SKAP1: variants seen among roughly 807,000 people sequenced by gnomAD.
SKAP1 encodes src kinase associated phosphoprotein 1, also known as src kinase-associated phosphoprotein 1.
Under a neutral mutation model 58.5 loss-of-function variants are expected in SKAP1, and 44 were observed. The observed-to-expected ratio is 0.75, with a 90% CI of 0.59 to 0.97. The LOEUF (loss-of-function observed/expected upper bound fraction) is 0.97, where lower values mean the gene tolerates loss of function less well. Ranked by LOEUF, SKAP1 falls within the 50% of genes least tolerant of loss-of-function variation. SKAP1 has a pLI of 0.00. For missense variants in SKAP1, 390 were observed against 435.2 expected (o/e 0.90, Z 0.92); for synonymous variants, 127 against 149.7 (o/e 0.85, Z 1.11).
chr17:48,421,429 G>A (rs1050654523), intron 1 of SKAP1, among the ~76,000 whole-genome samples: 6 of 151,610 alleles, frequency 4.0e-5, no homozygotes, highest in African/African-American at 9.7e-5. Flanking sequence ...TCAGCCTCCT[G>A]AGTAGCTGGG....
At position 48,430,061 on chromosome 17, in the gene SKAP1, C is replaced by A. The variant is rs201126634; in HGVS notation, c.46+14G>T. The A allele has an allele frequency of 7.1e-6, 9 of 1,262,540 alleles. No individual in the cohort carries two copies. In the Admixed American group the frequency reaches 3.8e-4, roughly 53 times the overall value. 78.2% of individuals were successfully genotyped at this position (1,262,540 alleles called of 1,614,324 possible). A position where few individuals can be genotyped will look rare whatever the true frequency, so the allele number is the denominator to read the frequency against. On this transcript the variant is annotated intron_variant, in intron 1 of 12. Coordinates refer to ENST00000336915, the MANE Select transcript of SKAP1 (RefSeq NM_003726.4). ...TCGGCTCAGCACTGGAGGGGGCCTG[C>A]GCCAGGGCGTTACCTTCCAGGAGCC... is the stretch of plus-strand genomic sequence containing the variant.
chr17:48,264,867 G>C (rs1324596258), intron 4 of SKAP1, among the ~76,000 whole-genome samples: 2 of 152,070 alleles, frequency 1.3e-5, no homozygotes, highest in Admixed American at 1.3e-4. Flanking sequence ...TGGGATAAGT[G>C]ATGAGCTATG....
At chr17:48,347,030 T>TATAC in intron 3 of SKAP1, among the ~76,000 whole-genome samples, 1 of 152,344 alleles carries the variant, frequency 6.6e-6, no homozygotes, top group South Asian at 2.1e-4. Flanking sequence ...GTGTTTTCAA[T>TATAC]ATACATTGGA....
chr17:48,155,686 G>A (rs1318589504), intron 11 of SKAP1, among the ~76,000 whole-genome samples: 2 of 151,894 alleles, frequency 1.3e-5, no homozygotes, highest in East Asian at 1.9e-4. Flanking sequence ...GCAAAATCCC[G>A]TCTCTACTAA....
At chr17:48,225,985 A>C (rs140162968) in intron 4 of SKAP1, among the ~76,000 whole-genome samples, 2 of 152,218 alleles carry the variant, frequency 1.3e-5, no homozygotes, top group Non-Finnish European at 2.9e-5. Flanking sequence ...GACCCTTAAC[A>C]AGGCGGTTAG....
At chr17:48,251,036 C>G (rs17620866) in intron 4 of SKAP1, among the ~76,000 whole-genome samples, 16,198 of 152,206 alleles carry the variant, frequency 0.11, 920 homozygotes, top group East Asian at 0.2. Context: ...TTCTCAAAAT[C>G]CTTTAATTCG....
intron 4 of SKAP1, among the ~76,000 whole-genome samples, chr17:48,229,346 CG>C (rs1314565754): frequency 6.6e-6 from 1 of 152,080 alleles, no homozygotes; most frequent in African/African-American, 2.4e-5. Flanking sequence ...GCGGGCCTGG[CG>C]TGGTGGCTCA....
chr17:48,290,481 C>A (rs1649139408), intron 4 of SKAP1, among the ~76,000 whole-genome samples: 1 of 152,168 alleles, frequency 6.6e-6, no homozygotes, highest in Non-Finnish European at 1.5e-5. Context: ...AGAAGATAAA[C>A]AAGAACTTCC....
At position 48,170,590 on chromosome 17, in the gene SKAP1, C is replaced by G; in HGVS notation, c.877+19G>C. On this transcript the variant is annotated intron_variant, in intron 10 of 12. Coordinates refer to ENST00000336915, the MANE Select transcript of SKAP1 (RefSeq NM_003726.4). ...CATAATGTCCTACCCAGTGCCTGTG[C>G]ATTTAGAAGCTCTTATACCTCCTTT... The G allele has an allele frequency of 1.2e-6, 2 of 1,609,142 alleles. No homozygotes were observed. The highest frequency in any genetic ancestry group is 1.7e-6 in the Non-Finnish European group (2 of 1,175,582).
At chr17:48,330,125 T>C (rs1467288378) in intron 4 of SKAP1, among the ~76,000 whole-genome samples, 2 of 152,358 alleles carry the variant, frequency 1.3e-5, no homozygotes, top group South Asian at 2.1e-4. Flanking sequence ...GTAGTATTTA[T>C]GCTTTTGTTT....
At chr17:48,402,756 T>A (rs2067515615) in intron 1 of SKAP1, among the ~76,000 whole-genome samples, 1 of 152,232 alleles carries the variant, frequency 6.6e-6, no homozygotes, top group Non-Finnish European at 1.5e-5. Flanking sequence ...GAAATGCTGA[T>A]ATGTGCTACA....
intron 3 of SKAP1, among the ~76,000 whole-genome samples, chr17:48,358,573 T>C (rs2066903331): frequency 6.6e-6 from 1 of 152,142 alleles, no homozygotes; most frequent in Non-Finnish European, 1.5e-5. Context: ...TCTCTATAAA[T>C]ACAAACCTTA....
At chr17:48,151,085 G>A (rs1244330161) in intron 11 of SKAP1, among the ~76,000 whole-genome samples, 12 of 96,900 alleles carry the variant, frequency 1.2e-4, no homozygotes, top group Admixed American at 3.1e-4. Context: ...AGACGCAGCA[G>A]GAAAAAAAAA....
At chr17:48,438,224 A>G in the SKAP1 span, among the ~76,000 whole-genome samples, 1 of 152,174 alleles carries the variant, frequency 6.6e-6, no homozygotes, top group African/African-American at 2.4e-5. Context: ...TGGCAATAGT[A>G]ACTGTATTCT....
chr17:48,221,972 T>C (rs934532820), intron 4 of SKAP1, among the ~76,000 whole-genome samples: 2 of 152,190 alleles, frequency 1.3e-5, no homozygotes, highest in African/African-American at 4.8e-5. Flanking sequence ...TTAACATCTA[T>C]AATTTGTAGT....
chr17:48,363,686 G>T, intron 3 of SKAP1, 103 bp downstream of exon 3: 1 of 1,009,676 alleles, frequency 9.9e-7, no homozygotes, highest in Non-Finnish European at 1.5e-6. Context: ...CTTGGAAATG[G>T]TTAATGCCAC....
intron 11 of SKAP1, among the ~76,000 whole-genome samples, chr17:48,141,947 ACT>A (rs1004110228): frequency 2.0e-5 from 3 of 151,354 alleles, no homozygotes; most frequent in Non-Finnish European, 4.4e-5. Flanking sequence ...TCTCCTTGAC[ACT>A]CTCTGACTGT....
intron 11 of SKAP1, among the ~76,000 whole-genome samples, chr17:48,145,205 C>A (rs2063814072): frequency 1.3e-5 from 2 of 152,076 alleles, no homozygotes; most frequent in South Asian, 4.1e-4. Context: ...ACCAACCTTG[C>A]CCCACCTCCT....
At chr17:48,367,201 A>T (rs1191293022) in intron 2 of SKAP1, among the ~76,000 whole-genome samples, 1 of 152,128 alleles carries the variant, frequency 6.6e-6, no homozygotes, top group Non-Finnish European at 1.5e-5. Flanking sequence ...TAGTAGTTAT[A>T]CCTTAAGAAC....
Sources: allele counts gnomAD v4.1 joint callset (sites outside exome capture counted in the v4.1 genomes callset), GRCh38; gene constraint gnomAD v4.1.1; transcripts MANE v1.5; gene names NCBI Gene and HGNC (gene_info 2026-07-23, HGNC 2026-07-21).